The following CYSTM1 variants were observed in gnomAD, a reference collection of about 807,000 sequenced individuals.
CYSTM1 encodes cysteine-rich transmembrane module-containing protein 1.
Under a neutral mutation model 13.1 loss-of-function variants are expected in CYSTM1, and 4 were observed. The ratio of observed to expected loss-of-function variants is 0.31; its 90% confidence interval spans 0.15 to 0.70. The LOEUF (loss-of-function observed/expected upper bound fraction) is 0.70, where lower values mean the gene tolerates loss of function less well. Ranked by LOEUF, CYSTM1 falls within the 30% of genes least tolerant of loss-of-function variation. CYSTM1 has a pLI of 0.72. For synonymous variants in CYSTM1, 36 were observed against 42.7 expected (o/e 0.84, Z 0.62); for missense variants, 96 against 121.6 (o/e 0.79, Z 0.99).
intron 2 of CYSTM1, among the ~76,000 whole-genome samples, chr5:140,215,309 G>T (rs1764413475): frequency 6.6e-6 from 1 of 152,200 alleles, no homozygotes; most frequent in South Asian, 2.1e-4. Context: ...TAATTAAAAT[G>T]CTGAAAATGA....
rs1233428693 is a variant in CYSTM1 at position 140,175,510 on chromosome 5, C to T, written c.-21+225C>T. 6.6e-6 allele frequency among the ~76,000 whole-genome samples: 1 copy of T among 151,048 alleles called. No homozygotes were observed. Among genetic ancestry groups the T allele is most frequent in the Non-Finnish European group, 1.5e-5 (1 of 67,650 alleles). ...CCGGCGCCCCGCGGCTACTCTGGGGCTCCTGGTCGCCGCGCCGCGCGTCTC... is the reference window on the plus strand; with the variant it reads ...CCGGCGCCCCGCGGCTACTCTGGGGTTCCTGGTCGCCGCGCCGCGCGTCTC... On this transcript the variant is annotated intron_variant, in intron 1 of 2. Coordinates refer to ENST00000261811, the MANE Select transcript of CYSTM1 (RefSeq NM_032412.4). The surrounding 1 kb of genome is among the most constrained non-coding windows in gnomAD (Gnocchi z 4.9).
intron 1 of CYSTM1, among the ~76,000 whole-genome samples, chr5:140,179,565 T>C (rs1242482592): frequency 6.6e-6 from 1 of 151,708 alleles, no homozygotes; most frequent in African/African-American, 2.4e-5. Flanking sequence ...GTCTGAAAAA[T>C]AAAAATAAAA....
chr5:140,210,832 G>A (rs1417678068), intron 2 of CYSTM1, among the ~76,000 whole-genome samples: 1 of 152,056 alleles, frequency 6.6e-6, no homozygotes, highest in Non-Finnish European at 1.5e-5. Flanking sequence ...TTTTAAGTGA[G>A]CCATTGCTTT....
At chr5:140,235,637 C>G (rs1217780177) in intron 2 of CYSTM1, among the ~76,000 whole-genome samples, 5 of 151,638 alleles carry the variant, frequency 3.3e-5, no homozygotes, top group Non-Finnish European at 5.9e-5. Context: ...GATCTTCTGA[C>G]CTCATGATCC....
intron 1 of CYSTM1, among the ~76,000 whole-genome samples, chr5:140,191,530 A>G (rs995013244): frequency 2.6e-5 from 4 of 152,216 alleles, no homozygotes; most frequent in African/African-American, 9.6e-5. Flanking sequence ...ATAAATGCAA[A>G]CAAATGGATC....
intron 2 of CYSTM1, among the ~76,000 whole-genome samples, chr5:140,226,134 G>A (rs1329717926): frequency 6.6e-6 from 1 of 152,160 alleles, no homozygotes; most frequent in Non-Finnish European, 1.5e-5. Context: ...GCTTTCCAAT[G>A]TGCGAAGCAC....
chr5:140,215,906 C>T (rs1446116074), intron 2 of CYSTM1, among the ~76,000 whole-genome samples: 1 of 152,086 alleles, frequency 6.6e-6, no homozygotes, highest in East Asian at 1.9e-4. Context: ...TTTGGGAGGT[C>T]AAGGTGGGTG....
chr5:140,238,909 C>T (rs1764715500), intron 2 of CYSTM1, among the ~76,000 whole-genome samples: 1 of 152,170 alleles, frequency 6.6e-6, no homozygotes, highest in South Asian at 2.1e-4. Context: ...CCTGGTGGCA[C>T]TTTTTGGAAG....
intron 2 of CYSTM1, among the ~76,000 whole-genome samples, chr5:140,237,651 G>A (rs1049973212): frequency 2.0e-5 from 3 of 152,264 alleles, no homozygotes; most frequent in Non-Finnish European, 4.4e-5. Flanking sequence ...ACCACAGGCA[G>A]TGCTGGTGGT....
intron 1 of CYSTM1, among the ~76,000 whole-genome samples, chr5:140,186,283 C>T (rs1246671416): frequency 2.6e-5 from 4 of 152,034 alleles, no homozygotes; most frequent in Admixed American, 6.5e-5. Context: ...TAAAGAATAA[C>T]GATAGAAAAG....
chr5:140,219,102 C>A lies in CYSTM1; in HGVS notation c.188-24203C>A, dbSNP rs1764461977. ...TTCCCTAAACTCTGGCCCTGTCTTC[C>A]AGGGCCAGAGTCCTAGTTACAGTCG... On this transcript the variant is annotated intron_variant, in intron 2 of 2. Transcript: ENST00000261811. The surrounding 1 kb of genome is among the most constrained non-coding windows in gnomAD (Gnocchi z 4.1). Among the ~76,000 whole-genome samples the A allele has an allele frequency of 6.6e-6, 1 of 152,166 alleles. No individual in the cohort carries two copies. The highest frequency in any genetic ancestry group is 2.1e-4 in the South Asian group (1 of 4,826).
chr5:140,243,180 G>A (rs532081033), intron 2 of CYSTM1, 125 bp from the exon 3 acceptor site: 75 of 739,470 alleles, frequency 1.0e-4, no homozygotes, highest in African/African-American at 3.7e-4. Flanking sequence ...GCAGGAACAC[G>A]GTTTCACCAG....
intron 2 of CYSTM1, chr5:140,203,217 T>C (rs951607732): frequency 1.3e-5 from 2 of 152,238 alleles, no homozygotes; most frequent in Non-Finnish European, 1.5e-5. Context: ...AAACTTTCGA[T>C]TTAACTTCTA....
intron 1 of CYSTM1, among the ~76,000 whole-genome samples, chr5:140,184,227 C>G (rs1008751336): frequency 3.6e-4 from 55 of 152,214 alleles, no homozygotes; most frequent in African/African-American, 1.3e-3. Context: ...TTTTTTCCCA[C>G]CATGTTGGTG....
intron 1 of CYSTM1, among the ~76,000 whole-genome samples, chr5:140,185,657 G>A (rs1764007655): frequency 6.6e-6 from 1 of 152,234 alleles, no homozygotes; most frequent in South Asian, 2.1e-4. Flanking sequence ...GTCTCCTGGT[G>A]TTGCACTGTT....
At chr5:140,198,869 T>C (rs549058643) in intron 2 of CYSTM1, among the ~76,000 whole-genome samples, 6 of 152,298 alleles carry the variant, frequency 3.9e-5, no homozygotes, top group African/African-American at 1.4e-4. Context: ...AATGTGCAGG[T>C]TTGTTACATA....
chr5:140,233,614 T>A (rs1193039097), intron 2 of CYSTM1, among the ~76,000 whole-genome samples: 1 of 152,234 alleles, frequency 6.6e-6, no homozygotes, highest in African/African-American at 2.4e-5. Context: ...GAATGAGAGT[T>A]CCGGTGGCTC....
intron 1 of CYSTM1, among the ~76,000 whole-genome samples, chr5:140,188,107 G>A (rs1377883457): frequency 3.9e-5 from 4 of 102,974 alleles, no homozygotes; most frequent in Non-Finnish European, 8.0e-5. Context: ...GGTCTTTCTT[G>A]TTCTGTTGCC....
intron 2 of CYSTM1, among the ~76,000 whole-genome samples, chr5:140,214,867 G>A (rs1764409403): frequency 6.6e-6 from 1 of 152,224 alleles, no homozygotes; most frequent in African/African-American, 2.4e-5. Context: ...GTCCAGTGCT[G>A]TAGGTCATTG....
Sources: gnomAD v4.1 joint callset for allele counts (sites outside exome capture counted in the v4.1 genomes callset) on GRCh38, gnomAD v4.1.1 for gene constraint, Gnocchi (gnomAD v3.1) non-coding constraint, MANE v1.5 for transcripts, NCBI Gene and HGNC (gene_info 2026-07-23, HGNC 2026-07-21) for gene names.